Variants in TSHZ3 observed in about 807,000 individuals in gnomAD.
The protein encoded by TSHZ3 is teashirt zinc finger homeobox 3, also known as teashirt homolog 3.
A neutral mutation model predicts 64.5 loss-of-function variants in TSHZ3; 10 were observed. The observed-to-expected ratio is 0.16, with a 90% CI of 0.10 to 0.26. The LOEUF (loss-of-function observed/expected upper bound fraction) is 0.26. Among genes scored for constraint, TSHZ3 ranks in the 10% least tolerant of loss-of-function variants. The pLI is 1.00. For missense variants in TSHZ3, 1,242 were observed against 1,421.7 expected, an observed-to-expected ratio of 0.87 and a Z score of 2.03; for synonymous variants, 608 against 593.1, an observed-to-expected ratio of 1.03 and a Z score of -0.36.
At chr19:31,228,801 G>C (rs145001850) in intron 3 of TSHZ3, among the ~76,000 whole-genome samples, 1 of 152,154 alleles carries the variant, frequency 6.6e-6, no homozygotes. Flanking sequence ...ATGGGTCAGT[G>C]ACTGCAGGGT....
At chr19:31,255,171 T>A (rs1242521404) in intron 1 of TSHZ3, among the ~76,000 whole-genome samples, 1 of 152,176 alleles carries the variant, frequency 6.6e-6, no homozygotes, top group Non-Finnish European at 1.5e-5. Flanking sequence ...CAATGGGGAA[T>A]GCCAACCAAA....
At chr19:31,296,602 C>T (rs1038445798) in intron 1 of TSHZ3, among the ~76,000 whole-genome samples, 1 of 152,188 alleles carries the variant, frequency 6.6e-6, no homozygotes, top group African/African-American at 2.4e-5. Flanking sequence ...TCCCAAAGTG[C>T]TGGGATTACA....
Position 31,279,351 on chromosome 19 carries a change from C to G in TSHZ3, c.442G>C (p.Gly148Arg), listed in dbSNP as rs942725502. The G allele has an allele frequency of 1.9e-6, 3 of 1,613,964 alleles. No individual in the cohort carries two copies. The African/African-American group carries it at 4.0e-5, about 22-fold the overall frequency. Residue 148 changes from glycine (G) to arginine (R), a missense_variant, in exon 2 of 2, where the codon GGC becomes CGC. Coordinates refer to ENST00000240587, the MANE Select transcript of TSHZ3 (RefSeq NM_020856.4). This position sits in a 1 kb window ranked among gnomAD's most constrained non-coding sequence, Gnocchi z 6.4. ...CTGCTACTGCTGCTGCTGCTGCTGC[C>G]GTTGTTCTTCTCCGAGGAGGGCTGG... Reference protein sequence around the residue: ...LHQPSSEKNNGSSSSSSSSSS... With the variant: ...LHQPSSEKNNRSSSSSSSSSS...
intron 5 of TSHZ3, among the ~76,000 whole-genome samples, chr19:31,168,118 G>A (rs572734233): frequency 7.6e-4 from 115 of 152,140 alleles, no homozygotes; most frequent in Non-Finnish European, 1.4e-3. Flanking sequence ...AGGGGAAAAA[G>A]TACTCGTGCA....
intron 1 of TSHZ3, among the ~76,000 whole-genome samples, chr19:31,326,822 T>A (rs994271308): frequency 1.3e-5 from 2 of 152,236 alleles, no homozygotes; most frequent in African/African-American, 4.8e-5. Flanking sequence ...TCCCTTACTG[T>A]AAACATTTGT....
At chr19:31,350,470 A>T (rs1197671563), upstream of TSHZ3, among the ~76,000 whole-genome samples, 1 of 149,892 alleles carries the variant, frequency 6.7e-6, no homozygotes, top group Non-Finnish European at 1.5e-5. Flanking sequence ...GGCCGATCCT[A>T]GGGCGGGACG....
rs575972131 is a variant in TSHZ3 at position 31,323,394 on chromosome 19, G to A, written c.40+25786C>T. Among the ~76,000 whole-genome samples the A allele has an allele frequency of 1.6e-4, 24 of 152,350 alleles. No homozygotes were observed. In the South Asian group the frequency reaches 1.9e-3, roughly 12 times the overall value. On this transcript the variant is annotated intron_variant, in intron 1 of 1. Transcript: ENST00000240587. ...TGCTATGATCCAATGGTGAGCTCCC[G>A]TAAATAGGTTTAATTGTAAAACATC...
chr19:31,265,823 G>A (rs1976047263), intron 1 of TSHZ3, among the ~76,000 whole-genome samples: 1 of 152,234 alleles, frequency 6.6e-6, no homozygotes, highest in African/African-American at 2.4e-5. Flanking sequence ...AAGTGCCTGA[G>A]TCCAAGGCAG....
chr19:31,228,015 C>T (rs1975491787), exon 4 of TSHZ3, among the ~76,000 whole-genome samples: 1 of 152,190 alleles, frequency 6.6e-6, no homozygotes, highest in African/African-American at 2.4e-5. Context: ...CTGGGCAACT[C>T]AACAGCCTCC....
intron 4 of TSHZ3, among the ~76,000 whole-genome samples, chr19:31,217,811 G>A (rs1014201823): frequency 2.0e-4 from 31 of 152,164 alleles, no homozygotes; most frequent in African/African-American, 7.0e-4. Flanking sequence ...TGCTCTGCCT[G>A]TCATCCCTTC....
At position 31,275,567 on chromosome 19, in the gene TSHZ3, G is replaced by A. The variant is rs1976214310; in HGVS notation, c.*980C>T. The A allele has an allele frequency of 6.6e-6, 1 of 152,260 alleles. No individual in the cohort carries two copies. The highest frequency in any genetic ancestry group is 1.5e-5 in the Non-Finnish European group (1 of 67,982). 9.4% of individuals were successfully genotyped at this position (152,260 alleles called of 1,614,324 possible). A position where few individuals can be genotyped will look rare whatever the true frequency, so the allele number is the denominator to read the frequency against. On this transcript the variant is annotated 3_prime_UTR_variant, in exon 2 of 2. Transcript: ENST00000240587. Reference sequence around the variant, plus strand: ...GCAAAATAGTTCTGATGCCTGCCAGGGATGTCTTTCCCGGTCTCGTTTATT... The same window carrying A: ...GCAAAATAGTTCTGATGCCTGCCAGAGATGTCTTTCCCGGTCTCGTTTATT...
At chr19:31,183,740 C>T (rs1974761364) in intron 5 of TSHZ3, among the ~76,000 whole-genome samples, 1 of 152,238 alleles carries the variant, frequency 6.6e-6, no homozygotes, top group Admixed American at 6.5e-5. Context: ...ATGTTTCCAC[C>T]TCTTACATTT....
intron 5 of TSHZ3, among the ~76,000 whole-genome samples, chr19:31,177,066 C>T (rs983304554): frequency 5.9e-5 from 9 of 152,142 alleles, no homozygotes; most frequent in Admixed American, 5.2e-4. Flanking sequence ...TAGCACCTGG[C>T]CCTTGGGTTG....
At chr19:31,297,399 G>C (rs1599633134) in intron 1 of TSHZ3, among the ~76,000 whole-genome samples, 1 of 147,716 alleles carries the variant, frequency 6.8e-6, no homozygotes, top group Admixed American at 6.8e-5. Context: ...CAAGAGTAAG[G>C]GTAGCTTATT....
intron 1 of TSHZ3, among the ~76,000 whole-genome samples, chr19:31,324,056 G>A (rs998802412): frequency 2.6e-5 from 4 of 152,198 alleles, no homozygotes; most frequent in South Asian, 4.2e-4. Flanking sequence ...AAACGTCTCC[G>A]CAGCACCCAA....
At chr19:31,156,292 T>C (rs906190383) in intron 6 of TSHZ3, among the ~76,000 whole-genome samples, 2 of 152,162 alleles carry the variant, frequency 1.3e-5, no homozygotes, top group African/African-American at 4.8e-5. Context: ...GAAAGAACAG[T>C]TAGGAGCAGA....
At chr19:31,195,285 T>C (rs1380520678) in intron 5 of TSHZ3, among the ~76,000 whole-genome samples, 1 of 152,052 alleles carries the variant, frequency 6.6e-6, no homozygotes, top group Non-Finnish European at 1.5e-5. Context: ...AAATTACACC[T>C]AGGCATATAA....
At chr19:31,248,519 G>T (rs1915627781) in intron 1 of TSHZ3, among the ~76,000 whole-genome samples, 1 of 152,030 alleles carries the variant, frequency 6.6e-6, no homozygotes, top group South Asian at 2.1e-4. Flanking sequence ...TCAAAACTCT[G>T]GGTCCAAGGC....
chr19:31,348,725 G>T (rs894651912), intron 1 of TSHZ3, among the ~76,000 whole-genome samples: 1 of 152,214 alleles, frequency 6.6e-6, no homozygotes, highest in African/African-American at 2.4e-5. Flanking sequence ...TAGTACTAAG[G>T]TGGCCGAGGG....
Sources: gnomAD v4.1 joint callset for allele counts (sites outside exome capture counted in the v4.1 genomes callset) on GRCh38, gnomAD v4.1.1 for gene constraint, Gnocchi (gnomAD v3.1) non-coding constraint, MANE v1.5 for transcripts, NCBI Gene and HGNC (gene_info 2026-07-23, HGNC 2026-07-21) for gene names.